SSH2: variants seen among roughly 807,000 people sequenced by gnomAD.
The protein encoded by SSH2 is protein phosphatase Slingshot homolog 2.
SSH2 carries 37 observed loss-of-function variants against 135.2 expected under a neutral mutation model. The observed-to-expected ratio is 0.27, with a 90% CI of 0.21 to 0.36. The LOEUF is 0.36. Among genes scored for constraint, SSH2 ranks in the 10% least tolerant of loss-of-function variants. The pLI is 1.00. For missense variants in SSH2, 1,408 were observed against 1,765.3 expected (o/e 0.80, Z 3.63); for synonymous variants, 628 against 646.2 (o/e 0.97, Z 0.43).
At chr17:29,802,618 C>CAAAAAAAAAAAA (rs74267073) in intron 2 of SSH2, among the ~76,000 whole-genome samples, 2 of 57,380 alleles carry the variant, frequency 3.5e-5, no homozygotes, top group African/African-American at 1.2e-4. Context: ...ACTGTTTCTA[C>CAAAAAAAAAAAA]AAAAAAAAAA....
At chr17:29,766,795 G>A (rs1432415083) in intron 3 of SSH2, among the ~76,000 whole-genome samples, 1 of 152,086 alleles carries the variant, frequency 6.6e-6, no homozygotes, top group Non-Finnish European at 1.5e-5. Context: ...GTATCAAAAG[G>A]AAGAAAACCA....
intron 2 of SSH2, among the ~76,000 whole-genome samples, chr17:29,834,070 G>A (rs181064346): frequency 7.9e-5 from 12 of 151,328 alleles, no homozygotes; most frequent in Non-Finnish European, 1.3e-4. Context: ...CATGAAGGTT[G>A]CAAATAATAT....
At chr17:29,819,266 C>T (rs1599043277) in intron 2 of SSH2, among the ~76,000 whole-genome samples, 1 of 152,048 alleles carries the variant, frequency 6.6e-6, no homozygotes. Flanking sequence ...ATTCCCCAAG[C>T]ATATCCTGGG....
At chr17:29,838,710 G>C (rs768966711) in intron 2 of SSH2, among the ~76,000 whole-genome samples, 1 of 152,074 alleles carries the variant, frequency 6.6e-6, no homozygotes, top group South Asian at 2.1e-4. Context: ...TCTCTGCTGA[G>C]AGCTGAACAA....
At chr17:29,806,565 A>T (rs1348647072) in intron 2 of SSH2, among the ~76,000 whole-genome samples, 1 of 152,192 alleles carries the variant, frequency 6.6e-6, no homozygotes, top group Admixed American at 6.5e-5. Context: ...ATACATACTG[A>T]TACAGCTGTA....
intron 3 of SSH2, chr17:29,761,561 G>T: frequency 2.5e-6 from 1 of 399,366 alleles, no homozygotes; most frequent in Non-Finnish European, 3.4e-6. Context: ...ATCCCGCAGC[G>T]CGCGTCACAG....
rs183025409 is a variant in SSH2, at chr17:29,849,783, T to C, written c.64-854A>G. On this transcript the variant is annotated intron_variant, in intron 1 of 15. Transcript: ENST00000540801. Reference sequence around the variant, plus strand: ...GGGAGGCTGAGGCAGGCAGATCACCTGAGGTTAGGAGTTTGAGACCAGCCT... The same window carrying C: ...GGGAGGCTGAGGCAGGCAGATCACCCGAGGTTAGGAGTTTGAGACCAGCCT... Among the ~76,000 whole-genome samples the C allele has an allele frequency of 7.0e-3, 1,024 of 146,070 alleles. 14 individuals are homozygous for C. The highest frequency in any genetic ancestry group is 0.022 in the African/African-American group (891 of 39,786).
At chr17:29,689,673 GAAGTC>G (rs1421936451) in intron 5 of SSH2, among the ~76,000 whole-genome samples, 1 of 152,114 alleles carries the variant, frequency 6.6e-6, no homozygotes, top group Non-Finnish European at 1.5e-5. Flanking sequence ...GTAGGTCTGA[GAAGTC>G]ATCCCCTGCC....
Position 29,631,180 on chromosome 17 carries a change from T to G in SSH2, c.4014A>C (p.Pro1338=), listed in dbSNP as rs200576090. 6.2e-7 allele frequency: 1 copy of G among 1,614,172 alleles called. No homozygotes were observed. The highest frequency in any genetic ancestry group is 8.5e-7 in the Non-Finnish European group (1 of 1,180,030). Residue 1338 remains proline, a synonymous_variant, in exon 16 of 16, where the codon CCA becomes CCC. Transcript: ENST00000540801. Reference sequence around the variant, plus strand: ...TGGGCTCTGGGTTGTGGGGGGCACCTGGGTTTTCTAGGGACTCTTGGTCCT... The same window carrying G: ...TGGGCTCTGGGTTGTGGGGGGCACCGGGGTTTTCTAGGGACTCTTGGTCCT... ...AMEDQESLEN[P]GAPHNPEPTK...
Position 29,667,188 on chromosome 17 carries a change from T to G in SSH2, c.845A>C (p.Lys282Thr), listed in dbSNP as rs972518881. Residue 282 changes from lysine (K) to threonine (T), a missense_variant, in exon 10 of 16, where the codon AAA (lysine) becomes ACA (threonine). Transcript: ENST00000540801. ...CATCATGATCTCCCTTAATTTGGTT[T>G]TAATTAGCCTTTCTGTTCGTTCACG... ...TERERTERLI[K>T]TKLREIMMQK... 6.2e-7 allele frequency: 1 copy of G among 1,613,122 alleles called. No individual in the cohort carries two copies. The highest frequency in any genetic ancestry group is 8.5e-7 in the Non-Finnish European group (1 of 1,179,406).
rs1298679446 is a variant in SSH2, at chr17:29,627,697, GGTACTATA to G, written c.*3136_*3143del. On this transcript the variant is annotated 3_prime_UTR_variant, in exon 16 of 16. Transcript: ENST00000540801. ...TAAAATGAGGAGAGATGAATATTAC[GGTACTATA>G]GTACTACATGTCTACTACAGTATCC... 6.6e-6 allele frequency: 1 copy of G among 152,510 alleles called. No individual in the cohort carries two copies. The highest frequency in any genetic ancestry group is 1.5e-5 in the Non-Finnish European group (1 of 68,012). The allele number at this position is 152,510 out of a possible 1,614,324, so 9.4% of individuals were successfully genotyped here.
chr17:29,740,069 C>T (rs2040504249), intron 3 of SSH2, among the ~76,000 whole-genome samples: 1 of 152,158 alleles, frequency 6.6e-6, no homozygotes, highest in African/African-American at 2.4e-5. Flanking sequence ...CTGGATTGAC[C>T]TCGCAGTATC....
chr17:29,911,389 AT>A (rs2066762394), intron 1 of SSH2, among the ~76,000 whole-genome samples: 1 of 152,022 alleles, frequency 6.6e-6, no homozygotes, highest in Non-Finnish European at 1.5e-5. Context: ...ACTGTATTTG[AT>A]TTTTGCCCTA....
intron 11 of SSH2, among the ~76,000 whole-genome samples, chr17:29,665,370 C>T (rs2037226955): frequency 6.6e-6 from 1 of 152,162 alleles, no homozygotes; most frequent in South Asian, 2.1e-4. Context: ...GCTAATATAC[C>T]ACTATGAATC....
At chr17:29,913,726 C>G (rs185200250) in intron 1 of SSH2, among the ~76,000 whole-genome samples, 15 of 151,864 alleles carry the variant, frequency 9.9e-5, no homozygotes, top group Admixed American at 9.2e-4. Flanking sequence ...CCTCTGCCTC[C>G]TGGGTTCAAG....
chr17:29,679,564 G>T (rs1182563361), intron 6 of SSH2, among the ~76,000 whole-genome samples: 1 of 151,836 alleles, frequency 6.6e-6, no homozygotes, highest in Non-Finnish European at 1.5e-5. Context: ...GCACTACCAC[G>T]CCCAGCTAAT....
rs867627155 is a variant in SSH2 at position 29,754,403 on chromosome 17, C to T, written c.188+39491G>A. On this transcript the variant is annotated intron_variant, in intron 3 of 15. Transcript: ENST00000540801. ...TAATACAAAAAATAAGACTTTCTAC[C>T]TTTTGATTTCATGAAAAGGTACATT... is the stretch of plus-strand genomic sequence containing the variant. Among the ~76,000 whole-genome samples the T allele has an allele frequency of 9.0e-4, 137 of 152,202 alleles. 1 individual carries two copies. Among genetic ancestry groups the T allele is most frequent in the African/African-American group, 3.1e-3 (128 of 41,534 alleles).
At chr17:29,825,835 C>A (rs1003487994) in intron 2 of SSH2, among the ~76,000 whole-genome samples, 1 of 152,168 alleles carries the variant, frequency 6.6e-6, no homozygotes, top group Non-Finnish European at 1.5e-5. Context: ...TGTCCTGCCA[C>A]ATGATACGAA....
At chr17:29,868,723 G>C (rs991042509) in intron 1 of SSH2, among the ~76,000 whole-genome samples, 4 of 139,402 alleles carry the variant, frequency 2.9e-5, no homozygotes, top group African/African-American at 1.1e-4. Context: ...GGTCGACAGA[G>C]CAAGACTCCA....
Sources: gnomAD v4.1 joint callset for allele counts (sites outside exome capture counted in the v4.1 genomes callset) on GRCh38, gnomAD v4.1.1 for gene constraint, MANE v1.5 for transcripts, NCBI Gene and HGNC (gene_info 2026-07-23, HGNC 2026-07-21) for gene names.